The following SEMA3E variants were observed in gnomAD, a reference collection of about 807,000 sequenced individuals.
SEMA3E encodes the protein semaphorin-3E.
A neutral mutation model predicts 93.6 loss-of-function variants in SEMA3E; 49 were observed. That is an observed-to-expected ratio of 0.52 (90% CI 0.42 to 0.66). SEMA3E has a LOEUF of 0.66. Among genes scored for constraint, SEMA3E ranks in the 30% least tolerant of loss-of-function variants. The probability of loss-of-function intolerance (pLI) is 0.00; values close to 1 mark genes in which losing one functional copy is unlikely to be tolerated. For missense variants in SEMA3E, 906 were observed against 964.8 expected (o/e 0.94, Z 0.81); for synonymous variants, 363 against 330.7 (o/e 1.10, Z -1.06).
In SEMA3E at chr7:83,534,085, T is replaced by G. The variant is rs564365691; in HGVS notation, c.116-43811A>C. Among the ~76,000 whole-genome samples the G allele has an allele frequency of 3.9e-5, 6 of 152,348 alleles. No individual in the cohort carries two copies. The East Asian group carries it at 7.7e-4, about 20-fold the overall frequency. On this transcript the variant is annotated intron_variant, in intron 1 of 16. Coordinates refer to ENST00000643230, the MANE Select transcript of SEMA3E (RefSeq NM_012431.3). ...TAATTTGGAGCAGTTTTCAAACTTT[T>G]TAGACCATGCCCAGAGGTAACAAAT...
At chr7:83,484,127 G>C (rs1488777730) in intron 2 of SEMA3E, among the ~76,000 whole-genome samples, 1 of 152,030 alleles carries the variant, frequency 6.6e-6, no homozygotes, top group Non-Finnish European at 1.5e-5. Flanking sequence ...TTAAAATCAG[G>C]CTGTCCCTTG....
intron 1 of SEMA3E, among the ~76,000 whole-genome samples, chr7:83,540,124 C>T (rs1791490626): frequency 6.6e-6 from 1 of 152,154 alleles, no homozygotes; most frequent in African/African-American, 2.4e-5. Flanking sequence ...CTCAGTTGAT[C>T]CACCCTCGTC....
At chr7:83,597,528 A>G (rs138460332) in intron 1 of SEMA3E, among the ~76,000 whole-genome samples, 13 of 152,248 alleles carry the variant, frequency 8.5e-5, no homozygotes, top group African/African-American at 2.9e-4. Flanking sequence ...TTCTCAACAC[A>G]AGTTCCTTTA....
intron 1 of SEMA3E, among the ~76,000 whole-genome samples, chr7:83,635,298 C>T (rs545048222): frequency 6.6e-6 from 1 of 151,894 alleles, no homozygotes; most frequent in South Asian, 2.1e-4. Context: ...TTTTTCCTAA[C>T]CCTTTCTTTA....
chr7:83,495,046 C>T (rs112810871), intron 1 of SEMA3E, among the ~76,000 whole-genome samples: 1 of 151,844 alleles, frequency 6.6e-6, no homozygotes, highest in African/African-American at 2.4e-5. Flanking sequence ...CTTAGCCAGT[C>T]TGTCTTTATC....
chr7:83,497,108 A>G (rs1306896349), intron 1 of SEMA3E, among the ~76,000 whole-genome samples: 4 of 152,168 alleles, frequency 2.6e-5, no homozygotes, highest in African/African-American at 9.6e-5. Context: ...TCAGCTGTCA[A>G]TGAAGATATA....
rs1156979469 is a variant in SEMA3E at position 83,648,825 on chromosome 7, C to T, written c.-283G>A. The T allele has an allele frequency of 1.1e-5, 4 of 360,760 alleles. No homozygotes were observed. Among genetic ancestry groups the T allele is most frequent in the Non-Finnish European group, 1.5e-5 (3 of 194,758 alleles). 22.3% of individuals were successfully genotyped at this position (360,760 alleles called of 1,614,324 possible). A position where few individuals can be genotyped will look rare whatever the true frequency, so the allele number is the denominator to read the frequency against. On this transcript the variant is annotated 5_prime_UTR_variant, in exon 1 of 17. Coordinates refer to ENST00000643230, the MANE Select transcript of SEMA3E (RefSeq NM_012431.3). ...CTAGAGCGCTCTTCAGCAACTACGC[C>T]GGTAGATTCAGGAAGAAGCTGTATT...
chr7:83,474,289 G>A (rs1584273383), intron 2 of SEMA3E, among the ~76,000 whole-genome samples: 1 of 151,954 alleles, frequency 6.6e-6, no homozygotes, highest in African/African-American at 2.4e-5. Flanking sequence ...AGTGATGATA[G>A]TAGCATTTTA....
At chr7:83,392,839 C>A (rs1788045178) in intron 13 of SEMA3E, 118 bp from the exon 14 acceptor site, 1 of 959,940 alleles carries the variant, frequency 1.0e-6, no homozygotes, top group South Asian at 1.4e-5. Context: ...AAATTTAATT[C>A]ACTTAAATTA....
At chr7:83,576,733 C>G (rs1241422941) in intron 1 of SEMA3E, among the ~76,000 whole-genome samples, 1 of 152,142 alleles carries the variant, frequency 6.6e-6, no homozygotes, top group Admixed American at 6.5e-5. Context: ...TCAAGCGATT[C>G]TCGTGCCTCA....
At chr7:83,618,842 T>G (rs1175690618) in intron 1 of SEMA3E, among the ~76,000 whole-genome samples, 1 of 151,886 alleles carries the variant, frequency 6.6e-6, no homozygotes, top group Admixed American at 6.6e-5. Context: ...TTCTCAAACA[T>G]GAGATTGTTA....
At chr7:83,507,436 G>A (rs1234516879) in intron 1 of SEMA3E, among the ~76,000 whole-genome samples, 2 of 111,846 alleles carry the variant, frequency 1.8e-5, no homozygotes, top group African/African-American at 8.0e-5. Flanking sequence ...GTGTGTGTGT[G>A]TGTGTGTGTG....
At chr7:83,410,314 T>C (rs753277681) in intron 5 of SEMA3E, among the ~76,000 whole-genome samples, 25 of 152,028 alleles carry the variant, frequency 1.6e-4, no homozygotes, top group Non-Finnish European at 2.9e-4. Context: ...CAAATTTCTT[T>C]GTATTTGAAA....
chr7:83,406,528 C>A lies in SEMA3E; in HGVS notation c.814-469G>T, dbSNP rs111568925. ...TATATAAATATATACATACACCACA[C>A]ACACAATATATATATGCACACATAT... On this transcript the variant is annotated intron_variant, in intron 7 of 16. Transcript: ENST00000643230. Among the ~76,000 whole-genome samples, 317 of 151,934 alleles carry A rather than the reference C, an allele frequency of 2.1e-3. 3 individuals are homozygous for A. Among genetic ancestry groups the A allele is most frequent in the African/African-American group, 7.1e-3 (293 of 41,508 alleles).
At chr7:83,459,315 G>C (rs1350211619) in intron 4 of SEMA3E, among the ~76,000 whole-genome samples, 1 of 152,000 alleles carries the variant, frequency 6.6e-6, no homozygotes, top group East Asian at 1.9e-4. Context: ...AAACCACAAA[G>C]CAACTATTAA....
At chr7:83,377,043 T>G (rs911061011) in intron 16 of SEMA3E, among the ~76,000 whole-genome samples, 1 of 151,994 alleles carries the variant, frequency 6.6e-6, no homozygotes, top group African/African-American at 2.4e-5. Flanking sequence ...CAAATTCCCC[T>G]ACAGGAGATT....
At chr7:83,380,413 G>A (rs1029313171) in intron 16 of SEMA3E, among the ~76,000 whole-genome samples, 12 of 151,894 alleles carry the variant, frequency 7.9e-5, no homozygotes, top group African/African-American at 2.9e-4. Flanking sequence ...TGTTCTCATT[G>A]GCTTAGAGAC....
rs571795097 is a variant in SEMA3E at position 83,583,076 on chromosome 7, A to G, written c.115+65352T>C. Among the ~76,000 whole-genome samples the G allele has an allele frequency of 8.5e-5, 13 of 152,266 alleles. No homozygotes were observed. The South Asian group carries it at 2.7e-3, about 32-fold the overall frequency. ...ACACTAAAATTACTTATTGACAGGTATTCTCACAAGTCTCTGCCCATTTAT... is the reference window on the plus strand; with the variant it reads ...ACACTAAAATTACTTATTGACAGGTGTTCTCACAAGTCTCTGCCCATTTAT... On this transcript the variant is annotated intron_variant, in intron 1 of 16. Coordinates refer to ENST00000643230, the MANE Select transcript of SEMA3E (RefSeq NM_012431.3).
intron 5 of SEMA3E, among the ~76,000 whole-genome samples, chr7:83,415,434 A>G (rs1438658104): frequency 6.6e-6 from 1 of 152,120 alleles, no homozygotes; most frequent in Non-Finnish European, 1.5e-5. Context: ...CATTTTGATT[A>G]GTTTCTGAAT....
Sources: allele counts gnomAD v4.1 joint callset (sites outside exome capture counted in the v4.1 genomes callset), GRCh38; gene constraint gnomAD v4.1.1; transcripts MANE v1.5; gene names NCBI Gene and HGNC (gene_info 2026-07-23, HGNC 2026-07-21).